Variants in PVT1 observed in about 807,000 individuals in gnomAD.
The protein encoded by PVT1 is Pvt1 oncogene, also known as CXCR4/PVT1 fusion.
chr8:128,037,135 C>T (rs1238310693), intron 4 of PVT1, among the ~76,000 whole-genome samples: 1 of 152,196 alleles, frequency 6.6e-6, no homozygotes, highest in African/African-American at 2.4e-5. Flanking sequence ...CAGGGGTGCC[C>T]GAGACCCAGC....
chr8:127,954,405 C>T (rs958648622), intron 3 of PVT1, among the ~76,000 whole-genome samples: 2 of 150,672 alleles, frequency 1.3e-5, no homozygotes, highest in East Asian at 1.9e-4. Context: ...AGCGATTTTC[C>T]GGCCTCAGCC....
At chr8:127,980,926 A>G (rs1019267435) in intron 3 of PVT1, among the ~76,000 whole-genome samples, 1 of 151,176 alleles carries the variant, frequency 6.6e-6, no homozygotes, top group Non-Finnish European at 1.5e-5. Context: ...CCTCTTGAGT[A>G]GGTGGGATTA....
intron 3 of PVT1, among the ~76,000 whole-genome samples, chr8:127,937,580 C>CACACACAG (rs59006608): frequency 8.3e-4 from 90 of 107,864 alleles, no homozygotes; most frequent in East Asian, 7.4e-3. Context: ...CACACACACA[C>CACACACAG]AGAGAGAGAG....
intron 3 of PVT1, among the ~76,000 whole-genome samples, chr8:127,985,606 C>A (rs1002970450): frequency 1.3e-5 from 2 of 152,120 alleles, no homozygotes; most frequent in African/African-American, 2.4e-5. Flanking sequence ...TTGATAGAAT[C>A]TAGCAAGCGT....
intron 4 of PVT1, among the ~76,000 whole-genome samples, chr8:128,029,817 A>G (rs1813368622): frequency 6.6e-6 from 1 of 152,044 alleles, no homozygotes; most frequent in African/African-American, 2.4e-5. Context: ...ACAAACAAAA[A>G]AACACTTGTT....
intron 3 of PVT1, among the ~76,000 whole-genome samples, chr8:127,920,098 A>G (rs1188962939): frequency 6.6e-6 from 1 of 152,228 alleles, no homozygotes; most frequent in African/African-American, 2.4e-5. Flanking sequence ...TCCTGCAGAC[A>G]GAGCTTGCCT....
chr8:128,057,293 C>T (rs1813772972), intron 4 of PVT1, among the ~76,000 whole-genome samples: 1 of 152,128 alleles, frequency 6.6e-6, no homozygotes, highest in African/African-American at 2.4e-5. Flanking sequence ...TATTATTACC[C>T]CGAAGCTAAG....
intron 2 of PVT1, among the ~76,000 whole-genome samples, chr8:127,843,511 C>T (rs1395880702): frequency 6.6e-6 from 1 of 151,862 alleles, no homozygotes; most frequent in Non-Finnish European, 1.5e-5. Context: ...GGCGCGGTCT[C>T]GGCTCACTGT....
intron 3 of PVT1, among the ~76,000 whole-genome samples, chr8:127,957,999 T>A (rs1816591508): frequency 6.6e-6 from 1 of 152,156 alleles, no homozygotes; most frequent in Non-Finnish European, 1.5e-5. Context: ...TGCTGGGTGA[T>A]CAAAGCTGAG....
In PVT1 at chr8:127,972,897, A is replaced by G. The variant is rs796442223; in HGVS notation, n.783-16265A>G. ...CCAAGTTTGAGCTGTATATTAAAAA[A>G]AATTTTTGATTAAAACAAATTTTTA... On this transcript the variant is annotated intron_variant and non_coding_transcript_variant, in intron 3 of 10. Transcript: ENST00000651587. Among the ~76,000 whole-genome samples the G allele has an allele frequency of 6.6e-5, 10 of 152,262 alleles. 1 individual carries two copies. Among genetic ancestry groups the G allele is most frequent in the African/African-American group, 2.2e-4 (9 of 41,552 alleles).
intron 3 of PVT1, among the ~76,000 whole-genome samples, chr8:127,971,344 C>A (rs977768390): frequency 6.6e-6 from 1 of 152,264 alleles, no homozygotes; most frequent in African/African-American, 2.4e-5. Flanking sequence ...CCTCCATCCC[C>A]TGCTGGGCCT....
chr8:127,985,827 T>C (rs1357976615), intron 3 of PVT1, among the ~76,000 whole-genome samples: 4 of 152,162 alleles, frequency 2.6e-5, no homozygotes, highest in Admixed American at 6.5e-5. Context: ...CGATGGTGTT[T>C]TGATGATTTC....
intron 4 of PVT1, among the ~76,000 whole-genome samples, chr8:128,003,233 T>G: frequency 7.9e-6 from 1 of 126,462 alleles, no homozygotes; most frequent in African/African-American, 3.0e-5. Flanking sequence ...CTCCCTTTCT[T>G]CCTTCCTTCC....
At chr8:127,978,552 C>T (rs1047778888) in intron 3 of PVT1, among the ~76,000 whole-genome samples, 7 of 151,616 alleles carry the variant, frequency 4.6e-5, no homozygotes, top group East Asian at 2.0e-4. Context: ...GGCACAATTT[C>T]GGCTCACTAC....
chr8:127,967,001 G>T (rs189681026), intron 3 of PVT1, among the ~76,000 whole-genome samples: 9 of 152,130 alleles, frequency 5.9e-5, no homozygotes, highest in Non-Finnish European at 1.3e-4. Context: ...AGGCCCCTTT[G>T]CCCCAGAAAG....
At chr8:128,002,117 T>A (rs1159658433) in intron 4 of PVT1, among the ~76,000 whole-genome samples, 1 of 152,174 alleles carries the variant, frequency 6.6e-6, no homozygotes, top group Non-Finnish European at 1.5e-5. Context: ...GGGTGAAACT[T>A]GAGTGATTAA....
intron 3 of PVT1, among the ~76,000 whole-genome samples, chr8:127,915,507 G>A (rs994123108): frequency 6.6e-6 from 1 of 151,326 alleles, no homozygotes; most frequent in Non-Finnish European, 1.5e-5. Flanking sequence ...AGCTACTTGG[G>A]AGGCTGAGGC....
chr8:127,820,360 A>T (rs1278527748), intron 2 of PVT1, among the ~76,000 whole-genome samples: 5 of 152,184 alleles, frequency 3.3e-5, no homozygotes, highest in African/African-American at 1.2e-4. Flanking sequence ...GGAGTAATAA[A>T]TTATGCTTTT....
At chr8:128,049,176 G>A (rs191866221) in intron 4 of PVT1, 226 of 531,532 alleles carry the variant, frequency 4.3e-4, no homozygotes, top group African/African-American at 3.6e-3. Flanking sequence ...GAGGCTGGGA[G>A]GGGCTGGCTG....
Sources: allele counts gnomAD v4.1 joint callset (sites outside exome capture counted in the v4.1 genomes callset), GRCh38; gene constraint gnomAD v4.1.1; transcripts MANE v1.5; gene names NCBI Gene and HGNC (gene_info 2026-07-23, HGNC 2026-07-21).